Variants in CTNNA2 observed in about 807,000 individuals in gnomAD.
CTNNA2 encodes catenin alpha-2.
CTNNA2 carries 42 observed loss-of-function variants against 101.0 expected under a neutral mutation model. That is an observed-to-expected ratio of 0.42 (90% CI 0.32 to 0.54). CTNNA2 has a LOEUF of 0.54. Ranked by LOEUF, CTNNA2 falls within the 20% of genes least tolerant of loss-of-function variation. CTNNA2 has a pLI of 0.14. For synonymous variants in CTNNA2, 450 were observed against 456.4 expected (o/e 0.99, Z 0.18); for missense variants, 871 against 1,223.1 (o/e 0.71, Z 4.29).
intron 9 of CTNNA2, among the ~76,000 whole-genome samples, chr2:80,536,990 G>A (rs977689197): frequency 6.6e-6 from 1 of 152,176 alleles, no homozygotes; most frequent in Non-Finnish European, 1.5e-5. Flanking sequence ...ATGTGCCATG[G>A]TGGTTTGCTG....
intron 9 of CTNNA2, among the ~76,000 whole-genome samples, chr2:80,420,222 T>G (rs1283184800): frequency 6.6e-6 from 1 of 151,968 alleles, no homozygotes; most frequent in East Asian, 1.9e-4. Flanking sequence ...AAAAAAATAT[T>G]GTACAAAGTA....
intron 1 of CTNNA2, among the ~76,000 whole-genome samples, chr2:79,600,619 A>G (rs966552672): frequency 2.0e-4 from 30 of 152,030 alleles, no homozygotes; most frequent in South Asian, 2.1e-4. Context: ...ATAAATAACA[A>G]TGAAATATCC....
intron 9 of CTNNA2, among the ~76,000 whole-genome samples, chr2:80,467,031 C>T (rs1684917925): frequency 6.6e-6 from 1 of 152,156 alleles, no homozygotes; most frequent in South Asian, 2.1e-4. Flanking sequence ...AGGAGGTTTA[C>T]CTGTGATTAG....
chr2:79,475,053 T>C (rs558951108), intron 4 of CTNNA2, among the ~76,000 whole-genome samples: 16 of 152,298 alleles, frequency 1.1e-4, no homozygotes, highest in Admixed American at 7.2e-4. Flanking sequence ...GAATACTACA[T>C]AGAACAAAAG....
intron 7 of CTNNA2, among the ~76,000 whole-genome samples, chr2:79,971,116 A>G (rs1476527988): frequency 6.6e-6 from 1 of 152,020 alleles, no homozygotes; most frequent in Non-Finnish European, 1.5e-5. Context: ...GGCATCCTTA[A>G]CTTGTTTCTA....
chr2:79,650,349 T>C (rs997435336), intron 1 of CTNNA2, among the ~76,000 whole-genome samples: 4 of 152,116 alleles, frequency 2.6e-5, no homozygotes, highest in South Asian at 2.1e-4. Flanking sequence ...TCAGAGAGCA[T>C]GTAAATAGTA....
At chr2:79,750,862 ACT>A (rs1004673674) in intron 3 of CTNNA2, among the ~76,000 whole-genome samples, 27 of 146,412 alleles carry the variant, frequency 1.8e-4, no homozygotes, top group Admixed American at 6.7e-4. Flanking sequence ...ACAGAGTGAG[ACT>A]CTGTCTCAAA....
At chr2:80,635,302 A>C (rs1221298498) in intron 18 of CTNNA2, among the ~76,000 whole-genome samples, 1 of 152,206 alleles carries the variant, frequency 6.6e-6, no homozygotes, top group Non-Finnish European at 1.5e-5. Flanking sequence ...AAAATATTTT[A>C]AAGAAGACAG....
At chr2:80,331,118 G>T (rs1481684509) in intron 7 of CTNNA2, among the ~76,000 whole-genome samples, 3 of 151,628 alleles carry the variant, frequency 2.0e-5, no homozygotes, top group Non-Finnish European at 4.4e-5. Flanking sequence ...GCCAGTGAAT[G>T]GTGCAAAGAA....
intron 3 of CTNNA2, among the ~76,000 whole-genome samples, chr2:79,769,641 A>G (rs1673428459): frequency 6.6e-6 from 1 of 152,206 alleles, no homozygotes; most frequent in Admixed American, 6.5e-5. Flanking sequence ...CTTAAGCATT[A>G]GTTACGTTTT....
intron 9 of CTNNA2, among the ~76,000 whole-genome samples, chr2:80,530,196 C>A (rs1018099824): frequency 1.3e-5 from 2 of 152,074 alleles, no homozygotes; most frequent in African/African-American, 2.4e-5. Flanking sequence ...TCTGAGAGGG[C>A]GTGAAATAAC....
rs777620720 is a variant in CTNNA2, at chr2:79,600,147, C to T, written c.-5-51405C>T. Among the ~76,000 whole-genome samples the T allele has an allele frequency of 5.3e-5, 8 of 151,854 alleles. 1 individual carries two copies. Among genetic ancestry groups the T allele is most frequent in the Admixed American group, 2.6e-4 (4 of 15,246 alleles). On this transcript the variant is annotated intron_variant, in intron 1 of 18. Coordinates refer to ENST00000402739, the MANE Select transcript of CTNNA2 (RefSeq NM_001282597.3). ...ATCTGGACCCTAAATTGAACTACAC[C>T]GAGAGATAGTGAGCTCCTTGCCCCT... is the stretch of plus-strand genomic sequence containing the variant.
chr2:80,485,170 C>T (rs1183561194), intron 9 of CTNNA2, among the ~76,000 whole-genome samples: 3 of 152,096 alleles, frequency 2.0e-5, no homozygotes, highest in Non-Finnish European at 4.4e-5. Context: ...ATAAATTCTA[C>T]TCTTATTTTC....
chr2:80,327,002 C>T (rs762471585), intron 7 of CTNNA2, among the ~76,000 whole-genome samples: 38 of 152,242 alleles, frequency 2.5e-4, no homozygotes, highest in Non-Finnish European at 5.0e-4. Context: ...AAGGCACTAC[C>T]GCTGATGACA....
At chr2:80,251,603 G>A (rs1671767536) in intron 7 of CTNNA2, among the ~76,000 whole-genome samples, 1 of 152,196 alleles carries the variant, frequency 6.6e-6, no homozygotes, top group African/African-American at 2.4e-5. Flanking sequence ...TTCTACAGGT[G>A]ATATAACTTC....
At chr2:79,560,023 G>A (rs765950622) in intron 1 of CTNNA2, among the ~76,000 whole-genome samples, 13 of 151,458 alleles carry the variant, frequency 8.6e-5, no homozygotes, top group African/African-American at 1.2e-4. Context: ...CATCTCTAGC[G>A]CCTGACTCAC....
At chr2:80,646,467 C>T (rs556697276) in intron 18 of CTNNA2, among the ~76,000 whole-genome samples, 1 of 152,054 alleles carries the variant, frequency 6.6e-6, no homozygotes, top group South Asian at 2.1e-4. Flanking sequence ...CATGTAGACT[C>T]CTGGCTGATG....
At chr2:79,806,730 G>T (rs1233388280) in intron 3 of CTNNA2, among the ~76,000 whole-genome samples, 2 of 151,962 alleles carry the variant, frequency 1.3e-5, no homozygotes, top group African/African-American at 4.8e-5. Flanking sequence ...TCTCTTGGGG[G>T]TTGCTTCTGT....
chr2:79,806,719 G>A (rs1469589053), intron 3 of CTNNA2, among the ~76,000 whole-genome samples: 4 of 151,998 alleles, frequency 2.6e-5, no homozygotes, highest in African/African-American at 4.8e-5. Flanking sequence ...AAAACTAGTG[G>A]TCTCTTGGGG....
Sources: gnomAD v4.1 joint callset for allele counts (sites outside exome capture counted in the v4.1 genomes callset) on GRCh38, gnomAD v4.1.1 for gene constraint, MANE v1.5 for transcripts, NCBI Gene and HGNC (gene_info 2026-07-23, HGNC 2026-07-21) for gene names.